Variants in ZNF710 observed in about 807,000 individuals in gnomAD.
ZNF710 encodes the protein zinc finger protein 710.
In ZNF710, 13 loss-of-function variants were observed where a neutral mutation model predicts 50.6. That is an observed-to-expected ratio of 0.26 (90% CI 0.17 to 0.41). The LOEUF (loss-of-function observed/expected upper bound fraction) is 0.41, where lower values mean the gene tolerates loss of function less well. Among genes scored for constraint, ZNF710 ranks in the 10% least tolerant of loss-of-function variants. The pLI is 1.00. For missense variants in ZNF710, 721 were observed against 936.6 expected (o/e 0.77, Z 3.01); for synonymous variants, 383 against 397.0 (o/e 0.96, Z 0.42).
chr15:90,043,078 C>G (rs1282763520), intron 1 of ZNF710, among the ~76,000 whole-genome samples: 1 of 152,252 alleles, frequency 6.6e-6, no homozygotes, highest in Non-Finnish European at 1.5e-5. Context: ...CAGCCCATCC[C>G]AGGGCTGACT....
At chr15:90,024,357 C>T (rs1012054878) in intron 1 of ZNF710, among the ~76,000 whole-genome samples, 7 of 152,190 alleles carry the variant, frequency 4.6e-5, no homozygotes, top group African/African-American at 7.2e-5. Flanking sequence ...CCTATGGACC[C>T]GGACCCCACC....
At chr15:90,023,231 C>A (rs554770247) in intron 1 of ZNF710, among the ~76,000 whole-genome samples, 3 of 152,308 alleles carry the variant, frequency 2.0e-5, no homozygotes, top group African/African-American at 4.8e-5. Context: ...CCACCCAGCT[C>A]CTAAGACCTA....
chr15:90,057,723 T>TAATAATAATA (rs933717391), intron 1 of ZNF710, among the ~76,000 whole-genome samples: 2 of 148,992 alleles, frequency 1.3e-5, no homozygotes, highest in South Asian at 4.2e-4. Context: ...ATAATAATAA[T>TAATAATAATA]AATTTGGAGA....
intron 1 of ZNF710, among the ~76,000 whole-genome samples, chr15:90,012,290 A>ATT (rs1026567607): frequency 0.013 from 1,195 of 94,504 alleles, 50 homozygotes; most frequent in African/African-American, 0.037. Flanking sequence ...TTGAGTGTGC[A>ATT]TTTTTTTTTT....
At chr15:90,077,514 G>C (rs1027552035) in intron 4 of ZNF710, among the ~76,000 whole-genome samples, 4 of 152,090 alleles carry the variant, frequency 2.6e-5, no homozygotes, top group African/African-American at 9.7e-5. Context: ...AAAGTGCTGG[G>C]ATTACAGGCA....
At chr15:90,045,402 T>G in intron 1 of ZNF710, 1 of 985,298 alleles carries the variant, frequency 1.0e-6, no homozygotes, top group Non-Finnish European at 1.2e-6. Flanking sequence ...AGGTTTGCCG[T>G]CTGGGAACTG....
chr15:90,021,387 C>A (rs1898617401), intron 1 of ZNF710, among the ~76,000 whole-genome samples: 1 of 152,172 alleles, frequency 6.6e-6, no homozygotes. Flanking sequence ...GGTTTCACAG[C>A]CTGTAAAATG....
chr15:90,033,317 A>C (rs144656280), intron 1 of ZNF710, among the ~76,000 whole-genome samples: 32 of 152,284 alleles, frequency 2.1e-4, no homozygotes, highest in Non-Finnish European at 3.4e-4. Flanking sequence ...CTGACCTTTC[A>C]CCACAGAGTT....
intron 1 of ZNF710, among the ~76,000 whole-genome samples, chr15:90,010,724 C>A (rs1898275600): frequency 6.6e-6 from 1 of 152,026 alleles, no homozygotes; most frequent in African/African-American, 2.4e-5. Context: ...TTTTTCTCTA[C>A]TGCTTTGAAA....
intron 1 of ZNF710, among the ~76,000 whole-genome samples, chr15:90,058,931 A>G (rs1448034560): frequency 6.6e-6 from 1 of 152,146 alleles, no homozygotes; most frequent in East Asian, 1.9e-4. Flanking sequence ...GCCCACCCAC[A>G]TTATGGAGGG....
intron 1 of ZNF710, among the ~76,000 whole-genome samples, chr15:90,016,665 T>C (rs979671696): frequency 1.3e-5 from 2 of 152,172 alleles, no homozygotes; most frequent in Non-Finnish European, 2.9e-5. Context: ...ACGGCCTCAG[T>C]GATTCTTCCA....
Position 90,062,226 on chromosome 15 carries a change from C to T in ZNF710, c.-28-4884C>T, listed in dbSNP as rs534509174. 6.6e-6 allele frequency among the ~76,000 whole-genome samples: 1 copy of T among 150,938 alleles called. No individual in the cohort carries two copies. The highest frequency in any genetic ancestry group is 1.9e-4 in the East Asian group (1 of 5,158). On this transcript the variant is annotated intron_variant, in intron 1 of 4. Coordinates refer to ENST00000268154, the MANE Select transcript of ZNF710 (RefSeq NM_198526.4). The surrounding 1 kb of genome is among the most constrained non-coding windows in gnomAD (Gnocchi z 5.6). ...TTCTTCTCTCCCTCTCCCTTTCTCT[C>T]TCTCTCTCTCTGATATGTCCTCCCT...
chr15:90,050,799 CT>C (rs1899616997), intron 1 of ZNF710, among the ~76,000 whole-genome samples: 1 of 151,858 alleles, frequency 6.6e-6, no homozygotes, highest in African/African-American at 2.4e-5. Flanking sequence ...TTATTTACTG[CT>C]TATTTCCTAT....
intron 1 of ZNF710, among the ~76,000 whole-genome samples, chr15:90,056,500 G>A (rs118056605): frequency 1.6e-4 from 24 of 152,246 alleles, no homozygotes; most frequent in East Asian, 1.4e-3. Flanking sequence ...TGATGGCATT[G>A]GACAGGAGGG....
intron 2 of ZNF710, among the ~76,000 whole-genome samples, chr15:90,069,164 G>T (rs1900290603): frequency 6.7e-6 from 1 of 149,124 alleles, no homozygotes; most frequent in Non-Finnish European, 1.5e-5. Flanking sequence ...GGAGGCAGAG[G>T]TTGCAGTCAG....
At position 90,079,900 on chromosome 15, in the gene ZNF710, G is replaced by T; in HGVS notation, c.*71G>T. 2 of 1,405,776 alleles carry T rather than the reference G, an allele frequency of 1.4e-6. No homozygotes were observed. The highest frequency in any genetic ancestry group is 1.9e-6 in the Non-Finnish European group (2 of 1,058,156). 87.1% of individuals were successfully genotyped at this position (1,405,776 alleles called of 1,614,324 possible). ...GGGTGAGACCCATGGGCTGCAGGCT[G>T]CACCTCCTGCAGCCGAGAAACAAGC... On this transcript the variant is annotated 3_prime_UTR_variant, in exon 5 of 5. Coordinates refer to ENST00000268154, the MANE Select transcript of ZNF710 (RefSeq NM_198526.4).
chr15:90,007,306 A>G (rs867363047), intron 1 of ZNF710, among the ~76,000 whole-genome samples: 2 of 152,104 alleles, frequency 1.3e-5, no homozygotes, highest in African/African-American at 4.8e-5. Context: ...CATGCATGGG[A>G]ACATAATACT....
At chr15:90,001,917 AGAGG>A (rs975083402) in intron 1 of ZNF710, among the ~76,000 whole-genome samples, 17 of 108,508 alleles carry the variant, frequency 1.6e-4, no homozygotes, top group Admixed American at 1.2e-3. Flanking sequence ...GGGGGAAGGG[AGAGG>A]GAGGGAGCGA....
At chr15:90,015,571 A>T (rs1237276603) in intron 1 of ZNF710, among the ~76,000 whole-genome samples, 1 of 151,672 alleles carries the variant, frequency 6.6e-6, no homozygotes, top group East Asian at 1.9e-4. Flanking sequence ...TAAATAAATT[A>T]TCCAGCCACC....
Sources: gnomAD v4.1 joint callset for allele counts (sites outside exome capture counted in the v4.1 genomes callset) on GRCh38, gnomAD v4.1.1 for gene constraint, Gnocchi (gnomAD v3.1) non-coding constraint, MANE v1.5 for transcripts, NCBI Gene and HGNC (gene_info 2026-07-23, HGNC 2026-07-21) for gene names.